CAGE1: variants seen among roughly 807,000 people sequenced by gnomAD.
CAGE1 encodes cancer antigen 1.
In CAGE1, 66 loss-of-function variants were observed where a neutral mutation model predicts 94.9. The ratio of observed to expected loss-of-function variants is 0.70; its 90% CI spans 0.57 to 0.85. CAGE1 has a LOEUF of 0.85. CAGE1 is among the 40% of genes least tolerant of loss of function. The probability of loss-of-function intolerance (pLI) is 0.00; values close to 1 mark genes in which losing one functional copy is unlikely to be tolerated. For synonymous variants in CAGE1, 319 were observed against 321.0 expected (o/e 0.99, Z 0.07); for missense variants, 865 against 950.4 (o/e 0.91, Z 1.18).
At chr6:7,382,735 C>T (rs1323207975) in intron 3 of CAGE1, among the ~76,000 whole-genome samples, 1 of 151,748 alleles carries the variant, frequency 6.6e-6, no homozygotes, top group African/African-American at 2.4e-5. Context: ...CATGGTGAAA[C>T]CCTGTTTCTA....
intron 12 of CAGE1, chr6:7,331,644 G>A (rs540628745): frequency 3.4e-5 from 8 of 238,502 alleles, no homozygotes; most frequent in South Asian, 8.3e-5. Flanking sequence ...ACTTCAGAGC[G>A]GGGGTGCAGG....
intron 11 of CAGE1, among the ~76,000 whole-genome samples, chr6:7,353,816 A>G (rs1404855271): frequency 6.6e-6 from 1 of 151,962 alleles, no homozygotes; most frequent in Non-Finnish European, 1.5e-5. Flanking sequence ...ACTGGAGACT[A>G]TTATTCTAAG....
intron 11 of CAGE1, chr6:7,338,747 T>G (rs909401321): frequency 4.8e-5 from 33 of 681,684 alleles, no homozygotes; most frequent in Middle Eastern, 7.8e-4. Context: ...CACTGTATCA[T>G]TCTTTTTTTT....
intron 2 of CAGE1, 132 bp downstream of exon 2, chr6:7,386,847 G>T: frequency 1.5e-6 from 1 of 682,074 alleles, no homozygotes; most frequent in Non-Finnish European, 2.4e-6. Context: ...ACCAGACCCT[G>T]TATTCCCCTC....
At chr6:7,328,908 GTGTGTGTGTGTATATATA>G (rs1203137381) in intron 13 of CAGE1, among the ~76,000 whole-genome samples, 60 of 82,984 alleles carry the variant, frequency 7.2e-4, no homozygotes, top group South Asian at 1.5e-3. Context: ...GTGTGTGTGT[GTGTGTGTGTGTATATATA>G]TATATATATT....
At chr6:7,345,087 G>A (rs566967538) in intron 11 of CAGE1, among the ~76,000 whole-genome samples, 2 of 151,950 alleles carry the variant, frequency 1.3e-5, no homozygotes, top group South Asian at 2.1e-4. Flanking sequence ...CTTTCACCCT[G>A]CAGTAAATCT....
intron 12 of CAGE1, among the ~76,000 whole-genome samples, chr6:7,330,961 T>G (rs1312918607): frequency 6.6e-6 from 1 of 152,228 alleles, no homozygotes; most frequent in Non-Finnish European, 1.5e-5. Flanking sequence ...AAAAATTCCA[T>G]TGTTTCTCTC....
At chr6:7,382,631 G>A (rs953201819) in intron 3 of CAGE1, among the ~76,000 whole-genome samples, 1 of 151,444 alleles carries the variant, frequency 6.6e-6, no homozygotes, top group Non-Finnish European at 1.5e-5. Context: ...GAAATCTTAG[G>A]CTGGGCGTGG....
rs559734765 is a variant in CAGE1, at chr6:7,351,806, A to C, written c.2369+3235T>G. On this transcript the variant is annotated intron_variant, in intron 11 of 13. Transcript: ENST00000502583. ...CATATGATCTTCTCAATAGATTCAG[A>C]AAAAGCATTTGACAAAATCTAGCAT... Among the ~76,000 whole-genome samples the C allele has an allele frequency of 1.3e-4, 20 of 152,342 alleles. 1 individual carries two copies. Among genetic ancestry groups the C allele is most frequent in the Admixed American group, 1.3e-3 (20 of 15,306 alleles).
At position 7,355,051 on chromosome 6, in the gene CAGE1, G is replaced by C. The variant is rs980479926; in HGVS notation, c.2359C>G (p.Gln787Glu). 1.7e-5 allele frequency: 28 copies of C among 1,604,302 alleles called. No homozygotes were observed. The highest frequency in any genetic ancestry group is 2.4e-5 in the Non-Finnish European group (28 of 1,173,380). The change falls in exon 11 of 14, where the codon CAG becomes GAG. Residue 787 changes from glutamine to glutamate, a missense_variant. By Grantham distance (29) the Gln-to-Glu change is conservative (BLOSUM62 2). Coordinates refer to ENST00000502583, the MANE Select transcript of CAGE1 (RefSeq NM_001170692.2). ...GTTTTTTCAACTTACTGTGCAATCT[G>C]GGAGTGGGATATTGCAAGCCTTTGG... ...ADQRLAISHS[Q>E]IAHLEERNKH...
intron 5 of CAGE1, 60 bp downstream of exon 5, chr6:7,373,013 C>A: frequency 8.4e-7 from 1 of 1,197,128 alleles, no homozygotes; most frequent in South Asian, 1.5e-5. Flanking sequence ...AAATACGCAT[C>A]ACTAGACCAC....
intron 5 of CAGE1, among the ~76,000 whole-genome samples, chr6:7,370,634 GA>G (rs5874093): frequency 0.35 from 53,837 of 152,006 alleles, 9,723 homozygotes; most frequent in Admixed American, 0.42. Context: ...CACATTTTTT[GA>G]AACAAAAAAT....
intron 11 of CAGE1, among the ~76,000 whole-genome samples, chr6:7,337,323 T>G (rs1581658207): frequency 9.2e-6 from 1 of 108,600 alleles, no homozygotes; most frequent in Non-Finnish European, 1.8e-5. Flanking sequence ...TGAGACTGTC[T>G]CGAAAAAAAA....
At chr6:7,380,154 G>C (rs1456339826) in intron 3 of CAGE1, among the ~76,000 whole-genome samples, 1 of 152,006 alleles carries the variant, frequency 6.6e-6, no homozygotes, top group Non-Finnish European at 1.5e-5. Context: ...AGACATCATA[G>C]GAAGGACTAT....
chr6:7,328,873 AGTGTGTGTGTGTGTGT>A lies in CAGE1; in HGVS notation c.2478+960_2478+975del, dbSNP rs545926619. Among the ~76,000 whole-genome samples the A allele has an allele frequency of 3.7e-3, 389 of 105,388 alleles. 6 individuals are homozygous for A. Among genetic ancestry groups the A allele is most frequent in the African/African-American group, 0.012 (331 of 28,258 alleles). The allele number at this position is 105,388 out of a possible 152,430, so 69.1% of individuals were successfully genotyped here. On this transcript the variant is annotated intron_variant, in intron 13 of 13. Coordinates refer to ENST00000502583, the MANE Select transcript of CAGE1 (RefSeq NM_001170692.2). ...TGGAAGTACTACTCTGTATCTTATAAGTGTGTGTGTGTGTGTGTGTGTGTGTGTGTGTGTGTGTGTG... is the reference window on the plus strand; with the variant it reads ...TGGAAGTACTACTCTGTATCTTATAAGTGTGTGTGTGTGTGTGTGTGTGTG...
intron 11 of CAGE1, among the ~76,000 whole-genome samples, chr6:7,352,300 A>ACAC (rs1561855891): frequency 8.6e-6 from 1 of 115,884 alleles, no homozygotes; most frequent in African/African-American, 3.8e-5. Context: ...CAAAAAAAAA[A>ACAC]AAAAACAAAA....
At chr6:7,346,291 AC>A (rs1270317577) in intron 11 of CAGE1, among the ~76,000 whole-genome samples, 4 of 152,220 alleles carry the variant, frequency 2.6e-5, no homozygotes, top group Non-Finnish European at 5.9e-5. Flanking sequence ...GCAGTGACTC[AC>A]GCCTGTAATC....
Position 7,362,820 on chromosome 6 carries a change from T to A in CAGE1, c.2193+2648A>T, listed in dbSNP as rs1377114747. On this transcript the variant is annotated intron_variant, in intron 9 of 13. Coordinates refer to ENST00000502583, the MANE Select transcript of CAGE1 (RefSeq NM_001170692.2). This position sits in a 1 kb window ranked among gnomAD's most constrained non-coding sequence, Gnocchi z 4.1. ...AATGAACCTCCATGTTTCCATCCCA[T>A]AACTTCAACAATTATCAACATTTTC... 2.6e-5 allele frequency among the ~76,000 whole-genome samples: 4 copies of A among 152,220 alleles called. No homozygotes were observed. The highest frequency in any genetic ancestry group is 2.0e-4 in the Admixed American group (3 of 15,286).
intron 11 of CAGE1, chr6:7,341,384 G>C: frequency 1.2e-6 from 1 of 801,522 alleles, no homozygotes; most frequent in Non-Finnish European, 2.1e-6. Context: ...TCATGCTTAG[G>C]ACACTGTGGA....
Sources: allele counts gnomAD v4.1 joint callset (sites outside exome capture counted in the v4.1 genomes callset), GRCh38; gene constraint gnomAD v4.1.1; non-coding constraint Gnocchi (gnomAD v3.1); transcripts MANE v1.5; gene names NCBI Gene and HGNC (gene_info 2026-07-23, HGNC 2026-07-21).